The following N4BP2 variants were observed in gnomAD, a reference collection of about 807,000 sequenced individuals.
The protein encoded by N4BP2 is NEDD4 binding protein 2.
A neutral mutation model predicts 152.8 loss-of-function variants in N4BP2; 91 were observed. The ratio of observed to expected loss-of-function variants is 0.60; its 90% CI spans 0.50 to 0.71. The LOEUF is 0.71. Ranked by LOEUF, N4BP2 falls within the 30% of genes least tolerant of loss-of-function variation. The pLI is 0.00. For missense variants in N4BP2, 1,923 were observed against 2,059.1 expected, an observed-to-expected ratio of 0.93 and a Z score of 1.28; for synonymous variants, 646 against 705.3, an observed-to-expected ratio of 0.92 and a Z score of 1.33.
intron 1 of N4BP2, among the ~76,000 whole-genome samples, chr4:40,068,382 A>G (rs900866259): frequency 2.0e-5 from 3 of 152,150 alleles, no homozygotes; most frequent in Non-Finnish European, 4.4e-5. Context: ...TCTTCAAGAA[A>G]TCATTGCCAA....
intron 1 of N4BP2, among the ~76,000 whole-genome samples, chr4:40,071,187 C>T (rs1029230398): frequency 3.3e-5 from 5 of 152,150 alleles, no homozygotes; most frequent in Non-Finnish European, 2.9e-5. Flanking sequence ...CCTACTCTGC[C>T]TCTCCTTCCC....
Position 40,120,060 on chromosome 4 carries a change from T to A in N4BP2, c.1949T>A (p.Val650Asp). ...VTKETMLPEN[V>D]AYLSNADLNK... ...AAAGAAACAATGTTACCTGAGAATG[T>A]TGCATATCTCTCTAATGCAGATTTA... Residue 650 changes from valine to aspartate, a missense_variant, in exon 9 of 18, where the codon GTT becomes GAT. Physicochemically the swap from Val to Asp is radical, Grantham distance 152 (BLOSUM62 -3). Coordinates refer to ENST00000261435, the MANE Select transcript of N4BP2 (RefSeq NM_018177.6). 2 of 1,610,582 alleles carry A rather than the reference T, an allele frequency of 1.2e-6. No homozygotes were observed. Among genetic ancestry groups the A allele is most frequent in the Non-Finnish European group, 1.7e-6 (2 of 1,177,128 alleles).
rs573997094 is a variant in N4BP2, at chr4:40,133,799, T to C, written c.4646+1880T>C. Among the ~76,000 whole-genome samples the C allele has an allele frequency of 3.3e-5, 5 of 152,148 alleles. No individual in the cohort carries two copies. In the South Asian group the frequency reaches 1.0e-3, roughly 32 times the overall value. On this transcript the variant is annotated intron_variant, in intron 13 of 17. Coordinates refer to ENST00000261435, the MANE Select transcript of N4BP2 (RefSeq NM_018177.6). ...TTTCAGATGAGGAGTAGTCAACATA[T>C]ACTTTTTTGTGTGTGTGTGTTTGTG...
At chr4:40,139,542 A>T (rs1376271212) in intron 14 of N4BP2, among the ~76,000 whole-genome samples, 1 of 133,042 alleles carries the variant, frequency 7.5e-6, no homozygotes, top group Admixed American at 8.6e-5. Flanking sequence ...CCCAGGCTGG[A>T]GTGCAGTGGC....
chr4:40,175,087 G>A, the N4BP2 span, among the ~76,000 whole-genome samples: 1 of 152,070 alleles, frequency 6.6e-6, no homozygotes, highest in Non-Finnish European at 1.5e-5. Context: ...GTGGCACAAT[G>A]AGAACTCACT....
chr4:40,170,712 A>G, the N4BP2 span, among the ~76,000 whole-genome samples: 2,779 of 152,192 alleles, frequency 0.018, 40 homozygotes, highest in Middle Eastern at 0.058. Flanking sequence ...ATTGTTGACT[A>G]CCTTTTTTCA....
chr4:40,174,608 G>A, the N4BP2 span, among the ~76,000 whole-genome samples: 3 of 152,084 alleles, frequency 2.0e-5, no homozygotes, highest in African/African-American at 7.2e-5. Context: ...TTTGAGACCA[G>A]CCTGGCCAAC....
chr4:40,124,786 A>T (rs1269601063), intron 11 of N4BP2, among the ~76,000 whole-genome samples: 1 of 152,186 alleles, frequency 6.6e-6, no homozygotes, highest in Non-Finnish European at 1.5e-5. Context: ...TTTCCTGTTG[A>T]GGTTTTGCTC....
At chr4:40,135,400 A>C (rs1719294448) in intron 13 of N4BP2, among the ~76,000 whole-genome samples, 2 of 151,766 alleles carry the variant, frequency 1.3e-5, no homozygotes. Flanking sequence ...ATAGTGCTGC[A>C]ATAAACATAC....
chr4:40,086,719 A>G (rs1207797897), intron 2 of N4BP2, among the ~76,000 whole-genome samples: 3 of 151,928 alleles, frequency 2.0e-5, no homozygotes, highest in African/African-American at 7.2e-5. Flanking sequence ...TTGGATTCTA[A>G]TTATATATAT....
At chr4:40,148,069 A>G (rs1322755381) in intron 16 of N4BP2, among the ~76,000 whole-genome samples, 2 of 152,200 alleles carry the variant, frequency 1.3e-5, no homozygotes, top group Non-Finnish European at 2.9e-5. Flanking sequence ...AGAGGCTGCA[A>G]TCTCCGGCAC....
chr4:40,085,495 C>T lies in N4BP2; in HGVS notation c.-114-11732C>T, dbSNP rs144277369. Among the ~76,000 whole-genome samples, 227 of 152,238 alleles carry T rather than the reference C, an allele frequency of 1.5e-3. 1 individual carries two copies. Among genetic ancestry groups the T allele is most frequent in the African/African-American group, 5.1e-3 (211 of 41,540 alleles). ...CTTAAGAGATGGGGTCTCACTCTGTCACTGAGGCTGGAGTGCAGTGGCACA... is the reference window on the plus strand; with the variant it reads ...CTTAAGAGATGGGGTCTCACTCTGTTACTGAGGCTGGAGTGCAGTGGCACA... On this transcript the variant is annotated intron_variant, in intron 2 of 17. Coordinates refer to ENST00000261435, the MANE Select transcript of N4BP2 (RefSeq NM_018177.6).
At chr4:40,086,731 A>T (rs945872880) in intron 2 of N4BP2, among the ~76,000 whole-genome samples, 4 of 151,914 alleles carry the variant, frequency 2.6e-5, no homozygotes, top group Admixed American at 2.0e-4. Flanking sequence ...TATATATATT[A>T]TATAGATTTA....
the N4BP2 span, chr4:40,167,970 A>C: frequency 2.0e-5 from 3 of 151,920 alleles, no homozygotes; most frequent in Non-Finnish European, 4.4e-5. Context: ...GGAAAGCATC[A>C]AGGAATAGAG....
intron 14 of N4BP2, among the ~76,000 whole-genome samples, chr4:40,139,915 TC>T (rs1319459715): frequency 2.7e-5 from 4 of 147,094 alleles, no homozygotes; most frequent in Non-Finnish European, 4.5e-5. Flanking sequence ...TCCTCCCATC[TC>T]CCCCTCCTGA....
chr4:40,081,127 ATT>A lies in N4BP2; in HGVS notation c.-115+7578_-115+7579del, dbSNP rs1713325093. Among the ~76,000 whole-genome samples the A allele has an allele frequency of 5.3e-5, 8 of 152,288 alleles. No individual in the cohort carries two copies. The South Asian group carries it at 1.7e-3, about 32-fold the overall frequency. On this transcript the variant is annotated intron_variant, in intron 2 of 17. Coordinates refer to ENST00000261435, the MANE Select transcript of N4BP2 (RefSeq NM_018177.6). ...GAGGGAAGTCCATGATTCACCTTTAATTTATAATAATGATTTTTTCCTGATTA... is the reference window on the plus strand; with the variant it reads ...GAGGGAAGTCCATGATTCACCTTTAATATAATAATGATTTTTTCCTGATTA...
intron 2 of N4BP2, among the ~76,000 whole-genome samples, chr4:40,080,990 A>G (rs1354866002): frequency 6.6e-6 from 1 of 151,658 alleles, no homozygotes; most frequent in Non-Finnish European, 1.5e-5. Context: ...TACACTAAAC[A>G]TTATTTGGAC....
At chr4:40,122,453 A>C (rs573379740) in intron 9 of N4BP2, 144 bp downstream of exon 9, 157 of 458,382 alleles carry the variant, frequency 3.4e-4, no homozygotes, top group African/African-American at 2.8e-3. Context: ...GGCTCACTGC[A>C]ACCTCTGCCT....
At chr4:40,144,504 C>T in intron 15 of N4BP2, 128 bp from the exon 16 acceptor site, 3 of 696,574 alleles carry the variant, frequency 4.3e-6, no homozygotes, top group Non-Finnish European at 4.6e-6. Flanking sequence ...AAACTCATTG[C>T]ATTATTTAAG....
Sources: gnomAD v4.1 joint callset for allele counts (sites outside exome capture counted in the v4.1 genomes callset) on GRCh38, gnomAD v4.1.1 for gene constraint, MANE v1.5 for transcripts, NCBI Gene and HGNC (gene_info 2026-07-23, HGNC 2026-07-21) for gene names.